Variants in HIPK3 observed in about 807,000 individuals in gnomAD.
HIPK3 encodes the protein homeodomain-interacting protein kinase 3.
A neutral mutation model predicts 124.2 loss-of-function variants in HIPK3; 47 were observed. The observed-to-expected ratio is 0.38, with a 90% CI of 0.30 to 0.48. The LOEUF (loss-of-function observed/expected upper bound fraction) is 0.48, where lower values mean the gene tolerates loss of function less well. Ranked by LOEUF, HIPK3 falls within the 20% of genes least tolerant of loss-of-function variation. HIPK3 has a pLI of 0.98. For missense variants in HIPK3, 1,286 were observed against 1,454.3 expected (o/e 0.88, Z 1.88); for synonymous variants, 482 against 515.2 (o/e 0.94, Z 0.87).
At chr11:33,297,091 A>ATT (rs34751907) in intron 2 of HIPK3, among the ~76,000 whole-genome samples, 3,098 of 136,468 alleles carry the variant, frequency 0.023, 75 homozygotes, top group Non-Finnish European at 0.03. Context: ...TATGGAAAAG[A>ATT]TTTTTTTTTT....
intron 6 of HIPK3, among the ~76,000 whole-genome samples, 186 bp from the exon 7 acceptor site, chr11:33,340,782 A>G (rs565048682): frequency 3.0e-4 from 46 of 152,326 alleles, no homozygotes; most frequent in African/African-American, 1.1e-3. Context: ...ATATACTTTT[A>G]CTTGCTCTGA....
At chr11:33,259,117 A>T (rs958539374) in intron 1 of HIPK3, among the ~76,000 whole-genome samples, 1 of 152,140 alleles carries the variant, frequency 6.6e-6, no homozygotes, top group African/African-American at 2.4e-5. Flanking sequence ...ATTTGCTTTT[A>T]GCTGTAGCTT....
At chr11:33,344,868 A>G (rs566810346) in intron 8 of HIPK3, among the ~76,000 whole-genome samples, 2 of 152,294 alleles carry the variant, frequency 1.3e-5, no homozygotes, top group East Asian at 1.9e-4. Context: ...AGAAATTGTA[A>G]TGTAGAAAAT....
intron 2 of HIPK3, among the ~76,000 whole-genome samples, chr11:33,287,840 A>G (rs957095675): frequency 6.6e-6 from 1 of 152,214 alleles, no homozygotes; most frequent in Non-Finnish European, 1.5e-5. Flanking sequence ...TAATCTTTGT[A>G]TATATCATTG....
chr11:33,347,438 C>T (rs971618991), intron 9 of HIPK3, 24 bp downstream of exon 9: 5 of 1,612,202 alleles, frequency 3.1e-6, no homozygotes, highest in Middle Eastern at 1.7e-4. Context: ...CATTCTTTGC[C>T]ATATATCAGC....
chr11:33,347,599 T>C, intron 9 of HIPK3, 30 bp from the exon 10 acceptor site: 18 of 1,604,246 alleles, frequency 1.1e-5, no homozygotes, highest in Non-Finnish European at 1.5e-5. Context: ...TAACTTGTTA[T>C]TTTCTATTGT....
At chr11:33,258,097 C>G (rs1049546691) in intron 1 of HIPK3, among the ~76,000 whole-genome samples, 1 of 152,078 alleles carries the variant, frequency 6.6e-6, no homozygotes, top group Non-Finnish European at 1.5e-5. Context: ...CAGTGTGGCC[C>G]GGTATGAGCC....
chr11:33,278,410 A>C (rs1258818647), intron 1 of HIPK3, among the ~76,000 whole-genome samples: 1 of 152,198 alleles, frequency 6.6e-6, no homozygotes, highest in Non-Finnish European at 1.5e-5. Flanking sequence ...GCATAAACTC[A>C]TATCTCAGGG....
At chr11:33,327,009 A>C (rs1386164115) in intron 2 of HIPK3, among the ~76,000 whole-genome samples, 4 of 152,162 alleles carry the variant, frequency 2.6e-5, no homozygotes, top group African/African-American at 9.7e-5. Flanking sequence ...AAAATAAGTA[A>C]TTATAGTCAT....
chr11:33,330,386 T>C (rs1852939652), intron 3 of HIPK3, among the ~76,000 whole-genome samples: 1 of 152,216 alleles, frequency 6.6e-6, no homozygotes, highest in Non-Finnish European at 1.5e-5. Context: ...TGGAGTGCAG[T>C]GGCGTGATCT....
At chr11:33,257,079 G>A (rs1360302117), upstream of HIPK3, among the ~76,000 whole-genome samples, 3 of 152,186 alleles carry the variant, frequency 2.0e-5, no homozygotes, top group Non-Finnish European at 4.4e-5. Context: ...TTCTGGCGGA[G>A]GGGGCATGGA....
chr11:33,281,513 T>G (rs1451379928), intron 1 of HIPK3, among the ~76,000 whole-genome samples: 1 of 152,176 alleles, frequency 6.6e-6, no homozygotes, highest in Non-Finnish European at 1.5e-5. Context: ...TAAAAAACTT[T>G]CTTGGAACAG....
intron 2 of HIPK3, among the ~76,000 whole-genome samples, chr11:33,322,448 G>C (rs1369655245): frequency 2.0e-5 from 3 of 152,150 alleles, no homozygotes; most frequent in African/African-American, 7.2e-5. Context: ...TGGCCTAGAG[G>C]TTTGAAAAAT....
chr11:33,345,553 A>G (rs1215723585), intron 8 of HIPK3, among the ~76,000 whole-genome samples: 1 of 152,172 alleles, frequency 6.6e-6, no homozygotes, highest in Admixed American at 6.5e-5. Flanking sequence ...GAATTTACAG[A>G]CAATGAGATT....
chr11:33,316,487 C>T (rs1366768617), intron 2 of HIPK3, among the ~76,000 whole-genome samples: 1 of 152,168 alleles, frequency 6.6e-6, no homozygotes, highest in Admixed American at 6.5e-5. Flanking sequence ...ATATTTCTTT[C>T]CCCCTGAGGC....
chr11:33,338,962 G>T, intron 5 of HIPK3, 119 bp downstream of exon 5: 1 of 599,926 alleles, frequency 1.7e-6, no homozygotes. Flanking sequence ...CTGTTTTTAA[G>T]TTTTTCAAAT....
chr11:33,295,075 A>G (rs1057125594), intron 2 of HIPK3, among the ~76,000 whole-genome samples: 5 of 151,994 alleles, frequency 3.3e-5, no homozygotes, highest in African/African-American at 1.2e-4. Context: ...CTGTGACAAC[A>G]TCTGCCCTCA....
chr11:33,289,702 A>G (rs188683375), intron 2 of HIPK3, among the ~76,000 whole-genome samples: 42 of 152,296 alleles, frequency 2.8e-4, no homozygotes, highest in Middle Eastern at 3.4e-3. Context: ...TGTTAAATGA[A>G]CAATAAATTA....
Position 33,257,695 on chromosome 11 carries a change from GGA to G in HIPK3, c.-195_-194del, listed in dbSNP as rs1056501377. 5.3e-5 allele frequency: 53 copies of G among 993,102 alleles called. No homozygotes were observed. The African/African-American group carries it at 8.5e-4, about 16-fold the overall frequency. The allele number at this position is 993,102 out of a possible 1,614,324, so 61.5% of individuals were successfully genotyped here. ...AGCAGCAGCAGCAGCAGCGGTCGGG[GGA>G]GGGTGTTTCGCCGTTTCCTCTCAGC... On this transcript the variant is annotated 5_prime_UTR_variant, in exon 1 of 17. It introduces an in-frame stop codon into an upstream open reading frame of the 5' UTR. Transcript: ENST00000303296.
Sources: allele counts gnomAD v4.1 joint callset (sites outside exome capture counted in the v4.1 genomes callset), GRCh38; gene constraint gnomAD v4.1.1; transcripts MANE v1.5; gene names NCBI Gene and HGNC (gene_info 2026-07-23, HGNC 2026-07-21).